SLC6A19: variants seen among roughly 807,000 people sequenced by gnomAD.
SLC6A19 encodes the protein sodium-dependent neutral amino acid transporter B(0)AT1.
In SLC6A19, 67 loss-of-function variants were observed where a neutral mutation model predicts 68.3. That is an observed-to-expected ratio of 0.98 (90% CI 0.81 to 1.20). SLC6A19 has a LOEUF of 1.20. Ranked by LOEUF, SLC6A19 falls within the 50% of genes most tolerant of loss-of-function variation. The pLI, the probability that SLC6A19 is intolerant of heterozygous loss-of-function variation, is 0.00. For synonymous variants in SLC6A19, 392 were observed against 374.9 expected (o/e 1.05, Z -0.53); for missense variants, 813 against 851.6 (o/e 0.95, Z 0.56).
At chr5:1,204,407 G>A (rs1227203671) in intron 1 of SLC6A19, among the ~76,000 whole-genome samples, 2 of 152,206 alleles carry the variant, frequency 1.3e-5, no homozygotes, top group African/African-American at 2.4e-5. Context: ...GTGTGATGGC[G>A]GAGCCCCCCG....
In SLC6A19 at chr5:1,224,170, G is replaced by A. The variant is rs7736057; in HGVS notation, c.*2266G>A. 42,908 of 152,182 alleles carry A rather than the reference G, an allele frequency of 0.28. 6,205 individuals are homozygous for A. The highest frequency in any genetic ancestry group is 0.34 in the East Asian group (1,754 of 5,170). 9.4% of individuals were successfully genotyped at this position (152,182 alleles called of 1,614,324 possible). On this transcript the variant is annotated 3_prime_UTR_variant, in exon 12 of 12. Transcript: ENST00000304460. ...CACAGGTGTGCATTGGTGTACCCTG[G>A]CATGCACAGGTGTGCACTGATGTGC...
chr5:1,224,952 C>T lies in SLC6A19; in HGVS notation c.*3048C>T. 1 of 154,894 alleles carries T rather than the reference C, an allele frequency of 6.5e-6. No individual in the cohort carries two copies. Among genetic ancestry groups the T allele is most frequent in the Non-Finnish European group, 1.4e-5 (1 of 69,688 alleles). The allele number at this position is 154,894 out of a possible 1,614,324, so 9.6% of individuals were successfully genotyped here. On this transcript the variant is annotated 3_prime_UTR_variant, in exon 12 of 12. Transcript: ENST00000304460. ...CCGAGGGCAGCAGTGGGTGTGAGGG[C>T]AGCCCCCGGCCTCCCAAGAGCAGCT...
At position 1,201,664 on chromosome 5, in the gene SLC6A19, T is replaced by A. The variant is rs1380853135; in HGVS notation, c.14T>A (p.Val5Glu). 6.8e-6 allele frequency: 11 copies of A among 1,606,930 alleles called. No homozygotes were observed. The highest frequency in any genetic ancestry group is 9.3e-6 in the Non-Finnish European group (11 of 1,179,350). The change falls in exon 1 of 12, where the codon GTG becomes GAG. Residue 5 changes from valine (V) to glutamate (E), a missense_variant. Physicochemically the swap from Val to Glu is moderately radical, Grantham distance 121 (BLOSUM62 -2). Coordinates refer to ENST00000304460, the MANE Select transcript of SLC6A19 (RefSeq NM_001003841.3). ...CCAGCGACCACCATGGTGAGGCTCG[T>A]GCTGCCCAACCCCGGCCTAGACGCC... MVRL[V>E]LPNPGLDARI...
intron 1 of SLC6A19, among the ~76,000 whole-genome samples, chr5:1,204,591 G>A (rs1745801308): frequency 2.0e-5 from 3 of 152,236 alleles, no homozygotes; most frequent in Admixed American, 6.5e-5. Context: ...ACCTGTGTCC[G>A]TCCAGAAACC....
chr5:1,221,588 C>G (rs1746382645), intron 11 of SLC6A19, 113 bp from the exon 12 acceptor site: 2 of 1,377,064 alleles, frequency 1.5e-6, no homozygotes, highest in Non-Finnish European at 2.0e-6. Context: ...CCCAGGCCAC[C>G]CTGCCTGCCC....
At chr5:1,219,708 C>T (rs750625045) in intron 10 of SLC6A19, 44 bp downstream of exon 10, 2 of 1,599,376 alleles carry the variant, frequency 1.3e-6, no homozygotes, top group Non-Finnish European at 8.5e-7. Flanking sequence ...GCAGAAAAGC[C>T]AGGTCACAGG....
chr5:1,210,318 A>T, intron 2 of SLC6A19, 126 bp from the exon 3 acceptor site: 1 of 1,401,258 alleles, frequency 7.1e-7, no homozygotes, highest in Non-Finnish European at 9.8e-7. Context: ...TCGGCCCCTC[A>T]GATTCTGGAG....
chr5:1,212,314 G>A lies in SLC6A19; in HGVS notation c.493G>A (p.Glu165Lys), dbSNP rs769457402. The A allele has an allele frequency of 9.3e-6, 15 of 1,613,470 alleles. No individual in the cohort carries two copies. The highest frequency in any genetic ancestry group is 4.5e-5 in the East Asian group (2 of 44,890). The change falls in exon 4 of 12, where the codon GAG becomes AAG. Residue 165 changes from glutamate to lysine, a missense_variant. Physicochemically the swap from Glu to Lys is moderately conservative, Grantham distance 56. Coordinates refer to ENST00000304460, the MANE Select transcript of SLC6A19 (RefSeq NM_001003841.3). The surrounding 1 kb of genome is among the most constrained non-coding windows in gnomAD (Gnocchi z 5.1). ...LNENQTGYVD[E>K]CARSSPVDYF... ...GGCCCTCTCCCCAGGGTATGTGGACGAGTGCGCCAGGAGCTCCCCTGTGGA... is the reference window on the plus strand; with the variant it reads ...GGCCCTCTCCCCAGGGTATGTGGACAAGTGCGCCAGGAGCTCCCCTGTGGA...
At chr5:1,213,635 C>T (rs934695385) in intron 5 of SLC6A19, 62 bp downstream of exon 5, 50 of 1,484,142 alleles carry the variant, frequency 3.4e-5, no homozygotes, top group Middle Eastern at 1.9e-4. Flanking sequence ...CCTGTGCCCC[C>T]GCCAGCCTCA....
At chr5:1,207,562 C>T (rs1213704778) in intron 1 of SLC6A19, among the ~76,000 whole-genome samples, 1 of 152,228 alleles carries the variant, frequency 6.6e-6, no homozygotes, top group African/African-American at 2.4e-5. Flanking sequence ...TGCGATTTTT[C>T]CTGAATCTCT....
rs554085286 is a variant in SLC6A19 at position 1,218,886 on chromosome 5, G to C, written c.1174-17G>C. 1 of 1,611,042 alleles carries C rather than the reference G, an allele frequency of 6.2e-7. No individual in the cohort carries two copies. Among genetic ancestry groups the C allele is most frequent in the Admixed American group, 1.7e-5 (1 of 60,018 alleles). ...ACGGAGGGCAGAGGCCCTGGTGACT[G>C]TGTGTCATCCGTGCAGGCCGTGGAG... is the stretch of plus-strand genomic sequence containing the variant. On this transcript the variant is annotated splice_polypyrimidine_tract_variant and intron_variant, in intron 8 of 11. Transcript: ENST00000304460.
intron 1 of SLC6A19, 79 bp downstream of exon 1, chr5:1,201,931 C>T (rs1745717217): frequency 6.7e-7 from 1 of 1,491,878 alleles, no homozygotes; most frequent in East Asian, 2.4e-5. Flanking sequence ...GGGCAGACAT[C>T]CTCCCCGGAC....
rs1230322861 is a variant in SLC6A19 at position 1,215,835 on chromosome 5, C to CTCACGT, written c.888-720_888-715dup. Among the ~76,000 whole-genome samples, 2 of 152,216 alleles carry CTCACGT rather than the reference C, an allele frequency of 1.3e-5. No individual in the cohort carries two copies. Among genetic ancestry groups the CTCACGT allele is most frequent in the African/African-American group, 4.8e-5 (2 of 41,456 alleles). ...GCTGTTTTCCACGGTGGCTGCACCA[C>CTCACGT]TCACGTTCCCACCAGCGTGCAGGAA... is the stretch of plus-strand genomic sequence containing the variant. On this transcript the variant is annotated intron_variant, in intron 6 of 11. Transcript: ENST00000304460. The surrounding 1 kb of genome is among the most constrained non-coding windows in gnomAD (Gnocchi z 5.1).
At chr5:1,213,777 C>T (rs1176042522) in intron 5 of SLC6A19, among the ~76,000 whole-genome samples, 176 bp from the exon 6 acceptor site, 1 of 152,050 alleles carries the variant, frequency 6.6e-6, no homozygotes, top group East Asian at 2.0e-4. Flanking sequence ...GTGGCTTTGC[C>T]CCTGTGAGCC....
intron 1 of SLC6A19, among the ~76,000 whole-genome samples, chr5:1,203,126 G>T (rs1216861262): frequency 6.6e-6 from 1 of 151,746 alleles, no homozygotes; most frequent in Non-Finnish European, 1.5e-5. Flanking sequence ...TGAGTCACAG[G>T]CTCACATCCC....
intron 10 of SLC6A19, among the ~76,000 whole-genome samples, chr5:1,220,652 C>A (rs1746351844): frequency 1.3e-5 from 2 of 152,208 alleles, no homozygotes. Context: ...CTGGACACTG[C>A]AGGCCTGGGA....
chr5:1,206,559 A>C (rs1308528634), intron 1 of SLC6A19, among the ~76,000 whole-genome samples: 1 of 151,804 alleles, frequency 6.6e-6, no homozygotes. Flanking sequence ...GATGGAATGG[A>C]GGGAGCTCAG....
chr5:1,205,506 C>T (rs1301063493), intron 1 of SLC6A19, among the ~76,000 whole-genome samples: 1 of 152,176 alleles, frequency 6.6e-6, no homozygotes, highest in African/African-American at 2.4e-5. Context: ...TTGAGGGTCT[C>T]CTGCCCGGAG....
rs1466838951 is a variant in SLC6A19 at position 1,214,967 on chromosome 5, G to C, written c.887+902G>C. ...CAGAGCCCAGGCAGGGAGGGCTGGG[G>C]TGCAGAGGGAGATGTGCTTGGAGGC... On this transcript the variant is annotated intron_variant, in intron 6 of 11. Coordinates refer to ENST00000304460, the MANE Select transcript of SLC6A19 (RefSeq NM_001003841.3). The surrounding 1 kb of genome is among the most constrained non-coding windows in gnomAD (Gnocchi z 7.4). 6.6e-6 allele frequency among the ~76,000 whole-genome samples: 1 copy of C among 152,088 alleles called. No homozygotes were observed. The highest frequency in any genetic ancestry group is 2.4e-5 in the African/African-American group (1 of 41,384).
Sources: allele counts gnomAD v4.1 joint callset (sites outside exome capture counted in the v4.1 genomes callset), GRCh38; gene constraint gnomAD v4.1.1; non-coding constraint Gnocchi (gnomAD v3.1); transcripts MANE v1.5; gene names NCBI Gene and HGNC (gene_info 2026-07-23, HGNC 2026-07-21).